Variants in IL2RA observed in about 807,000 individuals in gnomAD.
IL2RA encodes the protein interleukin-2 receptor subunit alpha.
IL2RA carries 24 observed loss-of-function variants against 37.8 expected under a neutral mutation model. The ratio of observed to expected loss-of-function variants is 0.63; its 90% CI spans 0.46 to 0.89. The LOEUF (loss-of-function observed/expected upper bound fraction) is 0.89, where lower values mean the gene tolerates loss of function less well. IL2RA is among the 40% of genes least tolerant of loss of function. The probability of loss-of-function intolerance (pLI) is 0.00; values close to 1 mark genes in which losing one functional copy is unlikely to be tolerated. For missense variants in IL2RA, 319 were observed against 348.6 expected, an observed-to-expected ratio of 0.92 and a Z score of 0.68; for synonymous variants, 125 against 114.6, an observed-to-expected ratio of 1.09 and a Z score of -0.58.
At chr10:6,059,260 T>C (rs1840090120) in intron 1 of IL2RA, among the ~76,000 whole-genome samples, 1 of 152,098 alleles carries the variant, frequency 6.6e-6, no homozygotes, top group Non-Finnish European at 1.5e-5. Flanking sequence ...GCCAGTATCA[T>C]CTCCATAAAG....
In IL2RA at chr10:6,012,860, T is replaced by C. The variant is rs1839210645; in HGVS notation, c.*12A>G. On this transcript the variant is annotated 3_prime_UTR_variant, in exon 8 of 8. Coordinates refer to ENST00000379959, the MANE Select transcript of IL2RA (RefSeq NM_000417.3). This position sits in a 1 kb window ranked among gnomAD's most constrained non-coding sequence, Gnocchi z 4.8. ...CGGCTTCTTACCAAGAAATTCTTGT[T>C]CTTTTGGTTTTCTAGATTGTTCTTC... 6 of 1,613,632 alleles carry C rather than the reference T, an allele frequency of 3.7e-6. No individual in the cohort carries two copies. Among genetic ancestry groups the C allele is most frequent in the Non-Finnish European group, 5.1e-6 (6 of 1,179,502 alleles).
intron 7 of IL2RA, among the ~76,000 whole-genome samples, chr10:6,016,665 T>C (rs1839285279): frequency 6.6e-6 from 1 of 152,024 alleles, no homozygotes; most frequent in South Asian, 2.1e-4. Context: ...CTCCGCCTCC[T>C]GGGTTCAAGT....
At position 6,022,298 on chromosome 10, in the gene IL2RA, C is replaced by T. The variant is rs375057991; in HGVS notation, c.368-605G>A. On this transcript the variant is annotated intron_variant, in intron 3 of 7. Transcript: ENST00000379959. This position sits in a 1 kb window ranked among gnomAD's most constrained non-coding sequence, Gnocchi z 4.7. ...TGGAGCACCATCTCTGATCAAGCCA[C>T]ACCTGAAGGTTGACACACATGCGCC... Among the ~76,000 whole-genome samples, 3 of 152,194 alleles carry T rather than the reference C, an allele frequency of 2.0e-5. No individual in the cohort carries two copies. The highest frequency in any genetic ancestry group is 3.9e-4 in the East Asian group (2 of 5,194).
At chr10:6,050,106 G>A (rs1839926470) in intron 1 of IL2RA, among the ~76,000 whole-genome samples, 1 of 152,204 alleles carries the variant, frequency 6.6e-6, no homozygotes, top group Non-Finnish European at 1.5e-5. Context: ...AGCTCTTGCA[G>A]CCGAAAGGGC....
At position 6,015,527 on chromosome 10, in the gene IL2RA, C is replaced by T. The variant is rs1490542968; in HGVS notation, c.794+2526G>A. ...AGCAAGACGACTGCGTCAGAAACTC[C>T]ACAGGTGGGACCCAGCAATCTGTGC... On this transcript the variant is annotated intron_variant, in intron 7 of 7. Coordinates refer to ENST00000379959, the MANE Select transcript of IL2RA (RefSeq NM_000417.3). This position sits in a 1 kb window ranked among gnomAD's most constrained non-coding sequence, Gnocchi z 4.9. Among the ~76,000 whole-genome samples the T allele has an allele frequency of 6.6e-6, 1 of 152,174 alleles. No homozygotes were observed. Among genetic ancestry groups the T allele is most frequent in the Non-Finnish European group, 1.5e-5 (1 of 68,014 alleles).
In IL2RA at chr10:6,035,596, C is replaced by T. The variant is rs1232577213; in HGVS notation, c.65-9571G>A. On this transcript the variant is annotated intron_variant, in intron 1 of 7. Coordinates refer to ENST00000379959, the MANE Select transcript of IL2RA (RefSeq NM_000417.3). This position sits in a 1 kb window ranked among gnomAD's most constrained non-coding sequence, Gnocchi z 5.4. The stretch of plus-strand genomic sequence containing the variant: ...AGAAAAGAAAAGAAATCGGGGCTCC[C>T]AGGAGGAGAATCCTGAACCACGGGC... Among the ~76,000 whole-genome samples the T allele has an allele frequency of 1.3e-5, 2 of 152,178 alleles. No homozygotes were observed. Among genetic ancestry groups the T allele is most frequent in the African/African-American group, 4.8e-5 (2 of 41,440 alleles).
intron 1 of IL2RA, among the ~76,000 whole-genome samples, chr10:6,031,359 TTC>T (rs887790315): frequency 2.7e-5 from 4 of 149,648 alleles, no homozygotes; most frequent in African/African-American, 9.8e-5. Flanking sequence ...AGGAACATTA[TTC>T]TCAGATAACA....
chr10:6,034,794 C>T (rs1338756034), intron 1 of IL2RA, among the ~76,000 whole-genome samples: 3 of 152,156 alleles, frequency 2.0e-5, no homozygotes, highest in Non-Finnish European at 4.4e-5. Context: ...CATTCTCTCC[C>T]GGAATATTTT....
intron 1 of IL2RA, among the ~76,000 whole-genome samples, chr10:6,049,739 T>G (rs1211931024): frequency 6.6e-6 from 1 of 152,220 alleles, no homozygotes; most frequent in Non-Finnish European, 1.5e-5. Flanking sequence ...CTGCACAGAA[T>G]GGCATGCAAA....
chr10:6,038,383 G>T (rs984576245), intron 1 of IL2RA, among the ~76,000 whole-genome samples: 1 of 152,190 alleles, frequency 6.6e-6, no homozygotes, highest in Non-Finnish European at 1.5e-5. Context: ...TCCATTTGGG[G>T]TTATCTATAT....
At chr10:6,027,738 A>G (rs111355373) in intron 1 of IL2RA, among the ~76,000 whole-genome samples, 22 of 152,366 alleles carry the variant, frequency 1.4e-4, no homozygotes, top group African/African-American at 5.3e-4. Context: ...GAAGAAGAGA[A>G]TGGTAATTCA....
rs1250584991 is a variant in IL2RA, at chr10:6,019,869, C to T, written c.655+1G>A. ...GGTCCAGCGTTTGTCTTCTCCCGCACCTGTTGTTGTGACGAGGCAGGAAGT... is the reference window on the plus strand; with the variant it reads ...GGTCCAGCGTTTGTCTTCTCCCGCATCTGTTGTTGTGACGAGGCAGGAAGT... On this transcript the variant is annotated splice_donor_variant, in intron 5 of 7. Coordinates refer to ENST00000379959, the MANE Select transcript of IL2RA (RefSeq NM_000417.3). LOFTEE classifies it high-confidence loss of function. The T allele has an allele frequency of 8.1e-6, 13 of 1,613,922 alleles. No homozygotes were observed. The East Asian group carries it at 1.8e-4, about 22-fold the overall frequency.
At chr10:6,019,576 GTC>G in intron 5 of IL2RA, 77 bp from the exon 6 acceptor site, 1 of 1,114,850 alleles carries the variant, frequency 9.0e-7, no homozygotes, top group South Asian at 1.2e-5. Context: ...AAGTCAGGGT[GTC>G]TCTGTGAATG....
intron 1 of IL2RA, among the ~76,000 whole-genome samples, chr10:6,050,038 T>A (rs576570377): frequency 2.6e-4 from 40 of 152,116 alleles, no homozygotes; most frequent in African/African-American, 9.6e-4. Flanking sequence ...CTGGGGAGCA[T>A]GTTGTGTGCC....
chr10:6,014,549 G>T lies in IL2RA; in HGVS notation c.795-1653C>A, dbSNP rs1471006583. On this transcript the variant is annotated intron_variant, in intron 7 of 7. Coordinates refer to ENST00000379959, the MANE Select transcript of IL2RA (RefSeq NM_000417.3). The surrounding 1 kb of genome is among the most constrained non-coding windows in gnomAD (Gnocchi z 4.4). ...CCAAATAGCTTTGTCCTCTGGGCCC[G>T]AAGGCTTTTGATCTTCAAACTAACA... Among the ~76,000 whole-genome samples, 1 of 152,140 alleles carries T rather than the reference G, an allele frequency of 6.6e-6. No individual in the cohort carries two copies. Among genetic ancestry groups the T allele is most frequent in the African/African-American group, 2.4e-5 (1 of 41,420 alleles).
At position 6,025,997 on chromosome 10, in the gene IL2RA, G is replaced by T. The variant is rs1839477977; in HGVS notation, c.93C>A (p.Ile31=). Residue 31 remains isoleucine, a synonymous_variant, in exon 2 of 8, where the codon ATC becomes ATA. Coordinates refer to ENST00000379959, the MANE Select transcript of IL2RA (RefSeq NM_000417.3). This position sits in a 1 kb window ranked among gnomAD's most constrained non-coding sequence, Gnocchi z 4.4. ...AELCDDDPPE[I]PHATFKAMAY... The stretch of plus-strand genomic sequence containing the variant: ...CCATGGCTTTGAATGTGGCGTGTGG[G>T]ATCTCTGGCGGGTCATCGTCACAGA... 6.2e-7 allele frequency: 1 copy of T among 1,613,390 alleles called. No homozygotes were observed. Among genetic ancestry groups the T allele is most frequent in the Admixed American group, 1.7e-5 (1 of 60,008 alleles).
In IL2RA at chr10:6,015,802, A is replaced by G. The variant is rs75153080; in HGVS notation, c.794+2251T>C. ...GGTTGTCAAACCTGGATGCATATGT[A>G]TTAGATACATCTGAGGGGCTTTAAA... is the stretch of plus-strand genomic sequence containing the variant. On this transcript the variant is annotated intron_variant, in intron 7 of 7. Coordinates refer to ENST00000379959, the MANE Select transcript of IL2RA (RefSeq NM_000417.3). This position sits in a 1 kb window ranked among gnomAD's most constrained non-coding sequence, Gnocchi z 4.9. Among the ~76,000 whole-genome samples, 631 of 152,330 alleles carry G rather than the reference A, an allele frequency of 4.1e-3. 7 individuals carry two copies. Among genetic ancestry groups the G allele is most frequent in the African/African-American group, 0.015 (604 of 41,566 alleles).
intron 2 of IL2RA, among the ~76,000 whole-genome samples, chr10:6,024,853 C>CCCT (rs1839455054): frequency 6.6e-6 from 1 of 152,204 alleles, no homozygotes; most frequent in Non-Finnish European, 1.5e-5. Context: ...TCTAGAACAG[C>CCCT]CCTCTCTATT....
intron 1 of IL2RA, among the ~76,000 whole-genome samples, chr10:6,043,173 A>G (rs1839798478): frequency 6.6e-6 from 1 of 152,266 alleles, no homozygotes; most frequent in Non-Finnish European, 1.5e-5. Context: ...TTATTATACA[A>G]TGTAATAATG....
Sources: allele counts gnomAD v4.1 joint callset (sites outside exome capture counted in the v4.1 genomes callset), GRCh38; gene constraint gnomAD v4.1.1; non-coding constraint Gnocchi (gnomAD v3.1); transcripts MANE v1.5; gene names NCBI Gene and HGNC (gene_info 2026-07-23, HGNC 2026-07-21).